The following PKP4 variants were observed in gnomAD, a reference collection of about 807,000 sequenced individuals.
The protein encoded by PKP4 is plakophilin 4, also known as plakophilin-4.
A neutral mutation model predicts 145.1 loss-of-function variants in PKP4; 90 were observed. That is an observed-to-expected ratio of 0.62 (90% confidence interval 0.52 to 0.74). The LOEUF is 0.74. Ranked by LOEUF, PKP4 falls within the 30% of genes least tolerant of loss-of-function variation. PKP4 has a pLI of 0.00. For synonymous variants in PKP4, 563 were observed against 577.2 expected, an observed-to-expected ratio of 0.98 and a Z score of 0.35; for missense variants, 1,340 against 1,482.7, an observed-to-expected ratio of 0.90 and a Z score of 1.58.
At chr2:158,554,757 T>C (rs185161224) in intron 2 of PKP4, among the ~76,000 whole-genome samples, 138 of 152,254 alleles carry the variant, frequency 9.1e-4, no homozygotes, top group African/African-American at 2.6e-3. Flanking sequence ...TTGCTATCCA[T>C]TGGTCTTGCC....
At chr2:158,625,587 A>G (rs1376343183) in intron 7 of PKP4, among the ~76,000 whole-genome samples, 160 bp downstream of exon 7, 2 of 152,184 alleles carry the variant, frequency 1.3e-5, no homozygotes, top group African/African-American at 2.4e-5. Flanking sequence ...CAGGTTCTGT[A>G]ATTCTTAATA....
intron 7 of PKP4, among the ~76,000 whole-genome samples, chr2:158,631,273 A>C (rs10933495): frequency 0.82 from 125,169 of 152,074 alleles, 52,992 homozygotes; most frequent in East Asian, 0.97. Flanking sequence ...TATATGCAGT[A>C]CTTTTCACGT....
intron 6 of PKP4, among the ~76,000 whole-genome samples, chr2:158,622,272 A>G (rs2105894670): frequency 6.6e-6 from 1 of 152,350 alleles, no homozygotes. Flanking sequence ...AAACATATCC[A>G]TTCTGTTAAG....
At chr2:158,576,231 T>A (rs1410201425) in intron 2 of PKP4, among the ~76,000 whole-genome samples, 1 of 152,228 alleles carries the variant, frequency 6.6e-6, no homozygotes. Flanking sequence ...TCAATTAAAA[T>A]TTTTAATGGC....
intron 4 of PKP4, among the ~76,000 whole-genome samples, chr2:158,608,352 T>C (rs1234362582): frequency 9.2e-5 from 14 of 152,320 alleles, no homozygotes; most frequent in Admixed American, 8.5e-4. Context: ...CACAAATGTA[T>C]TAAATGATTT....
intron 1 of PKP4, among the ~76,000 whole-genome samples, chr2:158,523,962 C>T (rs1183547483): frequency 2.4e-5 from 2 of 84,706 alleles, no homozygotes; most frequent in Non-Finnish European, 4.6e-5. Flanking sequence ...AGCAAAGCCT[C>T]CAAGAAATAT....
chr2:158,618,343 A>C (rs889468376), intron 4 of PKP4, among the ~76,000 whole-genome samples: 1 of 152,218 alleles, frequency 6.6e-6, no homozygotes, highest in African/African-American at 2.4e-5. Context: ...TAGATTTTCA[A>C]ATTAGATCCT....
At chr2:158,639,131 T>C (rs916664585) in intron 9 of PKP4, among the ~76,000 whole-genome samples, 15 of 152,214 alleles carry the variant, frequency 9.9e-5, no homozygotes, top group Non-Finnish European at 8.8e-5. Context: ...GTAAATGAGA[T>C]AATGAAGGTA....
chr2:158,620,596 G>A (rs943335101), intron 4 of PKP4, among the ~76,000 whole-genome samples: 9 of 152,124 alleles, frequency 5.9e-5, no homozygotes, highest in Admixed American at 3.9e-4. Context: ...TAATATGAAC[G>A]TTGTGTAAGT....
At chr2:158,539,096 T>G (rs1333320693) in intron 2 of PKP4, among the ~76,000 whole-genome samples, 1 of 152,228 alleles carries the variant, frequency 6.6e-6, no homozygotes, top group East Asian at 1.9e-4. Flanking sequence ...CCACTTTCAA[T>G]ATATTTTCTG....
intron 1 of PKP4, among the ~76,000 whole-genome samples, chr2:158,463,427 A>G (rs1221023724): frequency 6.6e-6 from 1 of 152,082 alleles, no homozygotes; most frequent in African/African-American, 2.4e-5. Context: ...AAAAAAAAAA[A>G]AGGATATTTG....
intron 1 of PKP4, among the ~76,000 whole-genome samples, chr2:158,531,453 C>T (rs545573602): frequency 6.6e-6 from 1 of 152,256 alleles, no homozygotes; most frequent in African/African-American, 2.4e-5. Flanking sequence ...ACTTTTATAT[C>T]TTTACTTGCC....
intron 1 of PKP4, among the ~76,000 whole-genome samples, chr2:158,510,437 C>A (rs2041397698): frequency 6.6e-6 from 1 of 152,134 alleles, no homozygotes; most frequent in Non-Finnish European, 1.5e-5. Context: ...TTTTAAAGAG[C>A]AAATACAAGT....
chr2:158,593,604 C>T (rs1035002935), intron 3 of PKP4, among the ~76,000 whole-genome samples: 3 of 152,188 alleles, frequency 2.0e-5, no homozygotes, highest in African/African-American at 7.2e-5. Context: ...GAAATTTGTT[C>T]ACCTCTAGTC....
intron 1 of PKP4, among the ~76,000 whole-genome samples, chr2:158,497,768 A>G (rs1191336218): frequency 2.6e-5 from 4 of 152,246 alleles, no homozygotes; most frequent in Admixed American, 2.6e-4. Flanking sequence ...CATAGTATTC[A>G]ATAGGTGGTT....
intron 2 of PKP4, among the ~76,000 whole-genome samples, chr2:158,556,150 C>T (rs1433645090): frequency 1.3e-5 from 2 of 152,168 alleles, no homozygotes; most frequent in African/African-American, 2.4e-5. Flanking sequence ...AGATGTCTGC[C>T]TTATTTTCTA....
intron 2 of PKP4, among the ~76,000 whole-genome samples, chr2:158,536,050 G>C (rs924634192): frequency 1.3e-5 from 2 of 152,174 alleles, no homozygotes; most frequent in Non-Finnish European, 2.9e-5. Flanking sequence ...CATTACGATT[G>C]TCATCATCAT....
At chr2:158,647,120 C>T (rs2054904554) in intron 11 of PKP4, among the ~76,000 whole-genome samples, 1 of 152,166 alleles carries the variant, frequency 6.6e-6, no homozygotes, top group Non-Finnish European at 1.5e-5. Flanking sequence ...CATTCCCCAT[C>T]AGGTGCCCAT....
chr2:158,671,145 C>T (rs2057522505), intron 17 of PKP4, among the ~76,000 whole-genome samples: 1 of 152,090 alleles, frequency 6.6e-6, no homozygotes, highest in African/African-American at 2.4e-5. Flanking sequence ...ATAAGCCTGG[C>T]CTGCTCATAA....
Sources: gnomAD v4.1 joint callset for allele counts (sites outside exome capture counted in the v4.1 genomes callset) on GRCh38, gnomAD v4.1.1 for gene constraint, MANE v1.5 for transcripts, NCBI Gene and HGNC (gene_info 2026-07-23, HGNC 2026-07-21) for gene names.